The following ASB3 variants were observed in gnomAD, a reference collection of about 807,000 sequenced individuals.
ASB3 encodes the protein ankyrin repeat and SOCS box protein 3.
A neutral mutation model predicts 54.5 loss-of-function variants in ASB3; 41 were observed. The observed-to-expected ratio is 0.75, with a 90% CI of 0.59 to 0.98. The LOEUF (loss-of-function observed/expected upper bound fraction) is 0.98, where lower values mean the gene tolerates loss of function less well. Ranked by LOEUF, ASB3 falls within the 50% of genes least tolerant of loss-of-function variation. The pLI is 0.00. For missense variants in ASB3, 733 were observed against 620.0 expected, an observed-to-expected ratio of 1.18 and a Z score of -1.94; for synonymous variants, 266 against 221.2, an observed-to-expected ratio of 1.20 and a Z score of -1.80.
At chr2:53,718,315 C>A (rs1001021415) in intron 5 of ASB3, among the ~76,000 whole-genome samples, 3 of 152,122 alleles carry the variant, frequency 2.0e-5, no homozygotes, top group Non-Finnish European at 4.4e-5. Context: ...GAACAGTGGA[C>A]TTCTCAGCAG....
chr2:53,683,086 C>A (rs1291241634), intron 9 of ASB3, among the ~76,000 whole-genome samples: 7 of 152,108 alleles, frequency 4.6e-5, no homozygotes, highest in Non-Finnish European at 1.0e-4. Flanking sequence ...AGTATTTCCC[C>A]CTTTCACTAT....
chr2:53,705,498 G>A (rs1669720920), intron 7 of ASB3, among the ~76,000 whole-genome samples: 1 of 152,198 alleles, frequency 6.6e-6, no homozygotes, highest in Non-Finnish European at 1.5e-5. Flanking sequence ...GATCCGGGGA[G>A]AGACTAGGTC....
At chr2:53,704,380 A>G (rs1242527720) in intron 7 of ASB3, among the ~76,000 whole-genome samples, 1 of 151,182 alleles carries the variant, frequency 6.6e-6, no homozygotes, top group Non-Finnish European at 1.5e-5. Context: ...AAAAAAAGGG[A>G]AAAAATAACA....
intron 9 of ASB3, among the ~76,000 whole-genome samples, chr2:53,689,811 G>C (rs138825137): frequency 3.2e-3 from 492 of 152,064 alleles, no homozygotes; most frequent in African/African-American, 0.011. Context: ...TTTTTCTTTT[G>C]CTTCTACTTT....
intron 1 of ASB3, among the ~76,000 whole-genome samples, chr2:53,776,697 T>C (rs919605642): frequency 6.6e-6 from 1 of 152,062 alleles, no homozygotes; most frequent in East Asian, 1.9e-4. Context: ...CATGCACCTG[T>C]AGGCCCAGCT....
At chr2:53,771,996 T>C (rs1673952478) in intron 1 of ASB3, 2 of 992,792 alleles carry the variant, frequency 2.0e-6, no homozygotes, top group South Asian at 1.6e-5. Flanking sequence ...AATGTTGCGA[T>C]GTTTCTGTTT....
chr2:53,683,415 G>GT (rs374579714), intron 9 of ASB3, among the ~76,000 whole-genome samples: 18,742 of 144,302 alleles, frequency 0.13, 1,337 homozygotes, highest in Non-Finnish European at 0.16. Context: ...GGCCTGTAGT[G>GT]TTTTTTTTTT....
intron 9 of ASB3, among the ~76,000 whole-genome samples, chr2:53,681,505 C>T (rs6741239): frequency 6.6e-6 from 1 of 151,890 alleles, no homozygotes; most frequent in Admixed American, 6.6e-5. Flanking sequence ...AGGTCTTAAA[C>T]TCTTTAATGC....
intron 1 of ASB3, among the ~76,000 whole-genome samples, chr2:53,772,757 T>C (rs745363719): frequency 8.5e-5 from 13 of 152,200 alleles, no homozygotes; most frequent in Admixed American, 2.0e-4. Context: ...GTTTGTTACA[T>C]AGGTAAACAT....
chr2:53,702,308 T>C (rs1669536164), intron 7 of ASB3, among the ~76,000 whole-genome samples: 1 of 152,162 alleles, frequency 6.6e-6, no homozygotes, highest in African/African-American at 2.4e-5. Flanking sequence ...GCCCTGAGCT[T>C]CTGGGAAGGT....
At chr2:53,698,955 C>A (rs888313864) in intron 8 of ASB3, among the ~76,000 whole-genome samples, 2 of 152,218 alleles carry the variant, frequency 1.3e-5, no homozygotes, top group Non-Finnish European at 2.9e-5. Context: ...TGAGCAACAG[C>A]CCCACTTCTC....
At chr2:53,777,782 A>G (rs1219235546) in intron 1 of ASB3, among the ~76,000 whole-genome samples, 1 of 152,184 alleles carries the variant, frequency 6.6e-6, no homozygotes, top group African/African-American at 2.4e-5. Context: ...TATACACAAA[A>G]TGTGTTTGTG....
Position 53,744,309 on chromosome 2 carries a change from G to C in ASB3, c.355+6474C>G, listed in dbSNP as rs547127973. On this transcript the variant is annotated intron_variant, in intron 3 of 9. Coordinates refer to ENST00000263634, the MANE Select transcript of ASB3 (RefSeq NM_016115.5). The stretch of plus-strand genomic sequence containing the variant: ...TGAGGCAGGAGAATGGCATGAACCC[G>C]GGACGCAGAGCTTGCAGTGAGCCGA... Among the ~76,000 whole-genome samples, 753 of 149,714 alleles carry C rather than the reference G, an allele frequency of 5.0e-3. 3 individuals carry two copies. Among genetic ancestry groups the C allele is most frequent in the Admixed American group, 8.6e-3 (127 of 14,800 alleles).
At chr2:53,671,086 ATAGATGT>A (rs1290539361) in intron 9 of ASB3, among the ~76,000 whole-genome samples, 1 of 152,212 alleles carries the variant, frequency 6.6e-6, no homozygotes, top group Non-Finnish European at 1.5e-5. Flanking sequence ...CATCAAGTGA[ATAGATGT>A]ACAGCTTGCA....
chr2:53,784,749 T>G (rs867838361), intron 1 of ASB3, among the ~76,000 whole-genome samples: 3 of 152,210 alleles, frequency 2.0e-5, no homozygotes, highest in African/African-American at 7.2e-5. Flanking sequence ...AGGGCCCCCT[T>G]TGATTCAGTA....
rs544661759 is a variant in ASB3 at position 53,766,955 on chromosome 2, C to T, written c.-13-1370G>A. ...GTTTCTGTTTTCACACACAGAGACA[C>T]AGCCATGATAGTCCAAGCGAATTTC... On this transcript the variant is annotated intron_variant, in intron 1 of 9. Transcript: ENST00000263634. Among the ~76,000 whole-genome samples, 3 of 152,300 alleles carry T rather than the reference C, an allele frequency of 2.0e-5. No individual in the cohort carries two copies. The South Asian group carries it at 6.2e-4, about 32-fold the overall frequency.
At chr2:53,707,679 T>C (rs1339517593) in intron 7 of ASB3, among the ~76,000 whole-genome samples, 1 of 134,684 alleles carries the variant, frequency 7.4e-6, no homozygotes, top group African/African-American at 2.8e-5. Flanking sequence ...ATGCAGAGTA[T>C]GCCGGGCACA....
intron 2 of ASB3, among the ~76,000 whole-genome samples, chr2:53,754,097 T>G (rs1250503751): frequency 2.0e-5 from 3 of 152,066 alleles, no homozygotes; most frequent in Non-Finnish European, 2.9e-5. Flanking sequence ...AATGGGGGCA[T>G]GCAAAAGAGA....
At chr2:53,680,849 C>T (rs1466128992) in intron 9 of ASB3, among the ~76,000 whole-genome samples, 1 of 151,906 alleles carries the variant, frequency 6.6e-6, no homozygotes, top group African/African-American at 2.4e-5. Flanking sequence ...ATCCATTAAC[C>T]ATCCCCACCT....
Sources: allele counts gnomAD v4.1 joint callset (sites outside exome capture counted in the v4.1 genomes callset), GRCh38; gene constraint gnomAD v4.1.1; transcripts MANE v1.5; gene names NCBI Gene and HGNC (gene_info 2026-07-23, HGNC 2026-07-21).